NGEF: variants seen among roughly 807,000 people sequenced by gnomAD.
NGEF encodes neuronal guanine nucleotide exchange factor, also known as ephexin-1.
Under a neutral mutation model 80.9 loss-of-function variants are expected in NGEF, and 31 were observed. The ratio of observed to expected loss-of-function variants is 0.38; its 90% CI spans 0.29 to 0.52. The LOEUF (loss-of-function observed/expected upper bound fraction) is 0.52, where lower values mean the gene tolerates loss of function less well. NGEF is among the 20% of genes least tolerant of loss of function. The pLI, the probability that NGEF is intolerant of heterozygous loss-of-function variation, is 0.84. For missense variants in NGEF, 709 were observed against 926.2 expected (o/e 0.77, Z 3.04); for synonymous variants, 371 against 370.2 (o/e 1.00, Z -0.03).
intron 3 of NGEF, among the ~76,000 whole-genome samples, chr2:232,952,837 C>CG (rs1364234927): frequency 6.6e-6 from 1 of 151,254 alleles, no homozygotes; most frequent in Non-Finnish European, 1.5e-5. Flanking sequence ...GGTGTGGTGG[C>CG]AGTCACCTGT....
chr2:232,955,843 A>G (rs1399231712), intron 3 of NGEF, among the ~76,000 whole-genome samples: 1 of 151,968 alleles, frequency 6.6e-6, no homozygotes, highest in Non-Finnish European at 1.5e-5. Context: ...TGACTCTGAC[A>G]CTCGTGAAGA....
At chr2:232,994,161 G>A (rs1251313366) in intron 1 of NGEF, among the ~76,000 whole-genome samples, 2 of 152,072 alleles carry the variant, frequency 1.3e-5, no homozygotes, top group East Asian at 1.9e-4. Context: ...CTTGAGGTAC[G>A]GAGTTCAAGA....
chr2:232,895,483 C>T (rs931387216), intron 5 of NGEF, among the ~76,000 whole-genome samples: 4 of 150,326 alleles, frequency 2.7e-5, no homozygotes, highest in Admixed American at 6.6e-5. Context: ...GCCCAGATCA[C>T]GCCACTGCAC....
chr2:232,993,155 A>ATAAATACATATATTTATT, intron 1 of NGEF, among the ~76,000 whole-genome samples: 1 of 32,372 alleles, frequency 3.1e-5, no homozygotes, highest in African/African-American at 1.4e-4. Flanking sequence ...ATATGGGCAA[A>ATAAATACATATATTTATT]TATATATATA....
intron 3 of NGEF, among the ~76,000 whole-genome samples, chr2:232,954,994 C>T (rs1693767496): frequency 1.3e-5 from 2 of 151,956 alleles, no homozygotes; most frequent in African/African-American, 4.8e-5. Context: ...TAACAGCTTA[C>T]TTTTTCTTCG....
intron 3 of NGEF, among the ~76,000 whole-genome samples, chr2:232,939,226 G>A (rs529380171): frequency 6.9e-6 from 1 of 145,964 alleles, no homozygotes; most frequent in South Asian, 2.2e-4. Context: ...GGAATGAACA[G>A]TCCCATTTCC....
intron 5 of NGEF, among the ~76,000 whole-genome samples, chr2:232,919,767 C>G (rs950303535): frequency 6.6e-6 from 1 of 152,170 alleles, no homozygotes; most frequent in African/African-American, 2.4e-5. Flanking sequence ...AGACACGAAT[C>G]CCAGATTTCT....
intron 3 of NGEF, chr2:232,928,238 C>A: frequency 1.1e-6 from 1 of 933,468 alleles, no homozygotes; most frequent in South Asian, 5.0e-5. Flanking sequence ...GGGGGCGAGG[C>A]CGGGCGGCGG....
chr2:232,916,122 A>T lies in NGEF; in HGVS notation c.828+4162T>A, dbSNP rs980219585. ...CGAAGATTAGGTTTAAATAAATGAA[A>T]GTACTGAAAGATTTGCTATCAAAAT... On this transcript the variant is annotated intron_variant, in intron 5 of 14. Coordinates refer to ENST00000264051, the MANE Select transcript of NGEF (RefSeq NM_019850.3). Among the ~76,000 whole-genome samples the T allele has an allele frequency of 2.8e-4, 43 of 152,270 alleles. 1 individual carries two copies. The highest frequency in any genetic ancestry group is 6.5e-5 in the Admixed American group (1 of 15,288).
intron 4 of NGEF, among the ~76,000 whole-genome samples, chr2:232,921,899 G>C (rs185595041): frequency 6.6e-6 from 1 of 152,252 alleles, no homozygotes; most frequent in African/African-American, 2.4e-5. Flanking sequence ...CCTGATTCGG[G>C]GACAGTTACA....
intron 3 of NGEF, among the ~76,000 whole-genome samples, chr2:232,958,509 T>G (rs530583096): frequency 6.6e-6 from 1 of 152,282 alleles, no homozygotes; most frequent in Admixed American, 6.5e-5. Flanking sequence ...ATTGAGGCCT[T>G]CTGGTGTGTT....
intron 3 of NGEF, among the ~76,000 whole-genome samples, chr2:232,961,410 A>G (rs1383495439): frequency 1.3e-5 from 2 of 152,312 alleles, no homozygotes; most frequent in East Asian, 1.9e-4. Context: ...GAATGGCCCC[A>G]TTAATCCTGC....
chr2:232,882,119 G>A, intron 13 of NGEF, 67 bp downstream of exon 13: 2 of 1,418,208 alleles, frequency 1.4e-6, no homozygotes, highest in South Asian at 2.4e-5. Context: ...GGCACACCGT[G>A]CACCTGCGGC....
At position 232,948,583 on chromosome 2, in the gene NGEF, C is replaced by G. The variant is rs187954694; in HGVS notation, c.384-21397G>C. ...GCGAGGAGTTAATAGATTTTTGACT[C>G]TAGATTGAGGCCATATGGGAGCTTA... On this transcript the variant is annotated intron_variant, in intron 3 of 14. Transcript: ENST00000264051. 1.3e-3 allele frequency among the ~76,000 whole-genome samples: 191 copies of G among 152,210 alleles called. 2 individuals carry two copies. Among genetic ancestry groups the G allele is most frequent in the Middle Eastern group, 0.01 (3 of 292 alleles).
chr2:232,890,110 G>T (rs1691830775), intron 8 of NGEF, among the ~76,000 whole-genome samples: 1 of 115,104 alleles, frequency 8.7e-6, no homozygotes, highest in South Asian at 2.6e-4. Context: ...GTCAGGCAAA[G>T]GGGGTCTCTG....
At chr2:232,886,515 G>A (rs1416262643) in intron 9 of NGEF, among the ~76,000 whole-genome samples, 4 of 152,228 alleles carry the variant, frequency 2.6e-5, no homozygotes, top group Admixed American at 1.3e-4. Flanking sequence ...GGGAGGGCGA[G>A]GTGGCTAGTG....
At chr2:232,928,016 C>T (rs1367566162) in intron 3 of NGEF, 2 of 821,314 alleles carry the variant, frequency 2.4e-6, no homozygotes, top group East Asian at 8.6e-5. Flanking sequence ...GGCGGCGGGG[C>T]GGGTGCGGGG....
At chr2:232,951,812 A>G (rs1020976772) in intron 3 of NGEF, among the ~76,000 whole-genome samples, 1 of 152,232 alleles carries the variant, frequency 6.6e-6, no homozygotes, top group African/African-American at 2.4e-5. Flanking sequence ...CTTGTACTGC[A>G]TGCAGAATGA....
chr2:232,893,775 C>CA (rs972038607), intron 6 of NGEF, among the ~76,000 whole-genome samples: 15 of 151,662 alleles, frequency 9.9e-5, no homozygotes, highest in East Asian at 5.8e-4. Flanking sequence ...AACTCTGTCT[C>CA]AAAAAAAATA....
Sources: allele counts gnomAD v4.1 joint callset (sites outside exome capture counted in the v4.1 genomes callset), GRCh38; gene constraint gnomAD v4.1.1; transcripts MANE v1.5; gene names NCBI Gene and HGNC (gene_info 2026-07-23, HGNC 2026-07-21).